ZNF324B: variants seen among roughly 807,000 people sequenced by gnomAD.
ZNF324B encodes zinc finger protein 324B.
In ZNF324B, 7 loss-of-function variants were observed where a neutral mutation model predicts 10.6. The observed-to-expected ratio is 0.66, with a 90% CI of 0.38 to 1.24. ZNF324B has a LOEUF of 1.24. ZNF324B is among the 50% of genes most tolerant of loss of function. The pLI, the probability that ZNF324B is intolerant of heterozygous loss-of-function variation, is 0.02. For synonymous variants in ZNF324B, 316 were observed against 321.0 expected (o/e 0.98, Z 0.17); for missense variants, 640 against 764.7 (o/e 0.84, Z 1.92).
the ZNF324B span, chr19:58,429,702 T>G: frequency 6.6e-6 from 1 of 152,198 alleles, no homozygotes; most frequent in Non-Finnish European, 1.5e-5. Flanking sequence ...AGACACCAGC[T>G]CAGATCTTAG....
the ZNF324B span, chr19:58,436,829 C>G: frequency 2.9e-6 from 2 of 700,246 alleles, no homozygotes; most frequent in Non-Finnish European, 5.1e-6. Context: ...TTTGCCTCCA[C>G]AAGGCTCCTG....
At chr19:58,422,555 G>A in the ZNF324B span, among the ~76,000 whole-genome samples, 2 of 152,170 alleles carry the variant, frequency 1.3e-5, no homozygotes, top group African/African-American at 4.8e-5. Flanking sequence ...ATTCAGCAAG[G>A]TTTCAGGATA....
chr19:58,453,564 C>G (rs1341428034), intron 1 of ZNF324B, 132 bp from the exon 2 acceptor site: 2 of 1,281,654 alleles, frequency 1.6e-6, no homozygotes, highest in Admixed American at 1.8e-5. Context: ...GAAGTGCCAC[C>G]TGAAGATAAT....
At chr19:58,425,576 C>T in the ZNF324B span, among the ~76,000 whole-genome samples, 174 of 151,288 alleles carry the variant, frequency 1.2e-3, 3 homozygotes, top group African/African-American at 4.0e-3. Context: ...GTTCAAGCAA[C>T]TCTCCTACCT....
the ZNF324B span, chr19:58,432,987 C>T: frequency 5.1e-6 from 1 of 195,236 alleles, no homozygotes; most frequent in Non-Finnish European, 1.0e-5. Flanking sequence ...CCCTCAAGGC[C>T]CCTCAACCAG....
chr19:58,439,958 G>GT, the ZNF324B span: 1 of 856,292 alleles, frequency 1.2e-6, no homozygotes, highest in Non-Finnish European at 1.8e-6. Flanking sequence ...CGAAGGCTGG[G>GT]TATGGAGACC....
the ZNF324B span, chr19:58,439,826 G>A: frequency 9.1e-6 from 14 of 1,541,586 alleles, no homozygotes; most frequent in African/African-American, 1.4e-4. Flanking sequence ...GGCCATAACA[G>A]GAGGCCCAGG....
At chr19:58,451,569 G>A (rs556963682), upstream of ZNF324B, 2 of 515,858 alleles carry the variant, frequency 3.9e-6, no homozygotes, top group Middle Eastern at 3.2e-4. Flanking sequence ...AAGCGTCTGC[G>A]CGCGTATTGG....
the ZNF324B span, chr19:58,434,017 C>T: frequency 1.9e-5 from 30 of 1,613,838 alleles, no homozygotes; most frequent in Middle Eastern, 3.3e-4. Flanking sequence ...TTTCTGATGT[C>T]GAAGGAGATG....
At chr19:58,448,032 T>G (rs1288278882), upstream of ZNF324B, among the ~76,000 whole-genome samples, 1 of 152,232 alleles carries the variant, frequency 6.6e-6, no homozygotes, top group East Asian at 1.9e-4. Context: ...CCTCTTTGTC[T>G]TCATAAATTA....
At chr19:58,434,926 T>C in the ZNF324B span, 1 of 1,614,164 alleles carries the variant, frequency 6.2e-7, no homozygotes, top group Non-Finnish European at 8.5e-7. Context: ...CCTGTCCTTG[T>C]ACCATCTAAA....
chr19:58,455,326 G>T lies in ZNF324B; in HGVS notation c.382G>T (p.Ala128Ser). ...SVKSLQRQPG[A>S]SPSQERKPTG... ...AAAAAGCCTGCAGCGACAACCGGGT[G>T]CCTCCCCATCTCAGGAGAGAAAACC... The change falls in exon 4 of 4, where the codon GCC (alanine) becomes TCC (serine). Residue 128 changes from alanine to serine, a missense_variant. By Grantham distance (99) the Ala-to-Ser change is moderately conservative. This residue lies in a region of ZNF324B where 345 missense variants were observed against 387.9 expected (regional missense o/e 0.89). Coordinates refer to ENST00000336614, the MANE Select transcript of ZNF324B (RefSeq NM_207395.3). This position sits in a 1 kb window ranked among gnomAD's most constrained non-coding sequence, Gnocchi z 7.0. The T allele has an allele frequency of 6.2e-7, 1 of 1,614,246 alleles. No homozygotes were observed. Among genetic ancestry groups the T allele is most frequent in the Non-Finnish European group, 8.5e-7 (1 of 1,180,036 alleles).
chr19:58,434,745 C>T, the ZNF324B span: 4 of 1,614,076 alleles, frequency 2.5e-6, no homozygotes, highest in East Asian at 8.9e-5. Flanking sequence ...CGAAGAGTTT[C>T]TGTGTGGTAC....
chr19:58,434,735 CGAA>C, the ZNF324B span: 1 of 1,614,130 alleles, frequency 6.2e-7, no homozygotes, highest in Admixed American at 1.7e-5. Flanking sequence ...TTGCTGCACT[CGAA>C]GAGTTTCTGT....
the ZNF324B span, chr19:58,442,135 G>A: frequency 8.6e-5 from 13 of 151,070 alleles, no homozygotes; most frequent in Admixed American, 4.0e-4. Context: ...ATAAAGCCGC[G>A]GACCCTCGTG....
chr19:58,438,005 C>T, the ZNF324B span, among the ~76,000 whole-genome samples: 4 of 152,306 alleles, frequency 2.6e-5, no homozygotes, highest in Non-Finnish European at 5.9e-5. Context: ...CTTGGGGACT[C>T]AGCTTAGGCT....
chr19:58,439,927 G>A, the ZNF324B span: 1 of 1,197,508 alleles, frequency 8.4e-7, no homozygotes, highest in Non-Finnish European at 1.2e-6. Flanking sequence ...ATGCGCGCAA[G>A]GCCTCTGGGC....
the ZNF324B span, among the ~76,000 whole-genome samples, chr19:58,422,992 TCCCAGCAG>T: frequency 6.6e-6 from 1 of 151,308 alleles, no homozygotes; most frequent in Non-Finnish European, 1.5e-5. Flanking sequence ...GCCTCGGCCT[TCCCAGCAG>T]CTGGGACTAC....
chr19:58,424,334 A>G, the ZNF324B span, among the ~76,000 whole-genome samples: 1 of 152,236 alleles, frequency 6.6e-6, no homozygotes, highest in African/African-American at 2.4e-5. Flanking sequence ...TGCTAAATAT[A>G]TTCGACATCT....
Sources: allele counts gnomAD v4.1 joint callset (sites outside exome capture counted in the v4.1 genomes callset), GRCh38; gene constraint gnomAD v4.1.1; regional missense constraint gnomAD v4.1.1; non-coding constraint Gnocchi (gnomAD v3.1); transcripts MANE v1.5; gene names NCBI Gene and HGNC (gene_info 2026-07-23, HGNC 2026-07-21).